The following ARHGAP42 variants were observed in gnomAD, a reference collection of about 807,000 sequenced individuals.
The protein encoded by ARHGAP42 is Rho GTPase activating protein 42, also known as rho GTPase-activating protein 42.
A neutral mutation model predicts 125.0 loss-of-function variants in ARHGAP42; 63 were observed. The observed-to-expected ratio is 0.50, with a 90% CI of 0.41 to 0.62. ARHGAP42 has a LOEUF of 0.62. Ranked by LOEUF, ARHGAP42 falls within the 20% of genes least tolerant of loss-of-function variation. The pLI, the probability that ARHGAP42 is intolerant of heterozygous loss-of-function variation, is 0.00. For synonymous variants in ARHGAP42, 339 were observed against 351.0 expected (o/e 0.97, Z 0.38); for missense variants, 766 against 1,024.2 (o/e 0.75, Z 3.44).
At chr11:100,745,183 G>GT (rs1374545509) in intron 1 of ARHGAP42, among the ~76,000 whole-genome samples, 1 of 152,218 alleles carries the variant, frequency 6.6e-6, no homozygotes, top group Non-Finnish European at 1.5e-5. Flanking sequence ...AGGAAGTTAA[G>GT]TTTAAAAGTA....
intron 1 of ARHGAP42, among the ~76,000 whole-genome samples, chr11:100,691,642 A>G (rs1861193279): frequency 6.6e-6 from 1 of 152,064 alleles, no homozygotes; most frequent in Non-Finnish European, 1.5e-5. Context: ...CAGCCTCCCC[A>G]GTAGCTGGGA....
chr11:100,941,949 C>T lies in ARHGAP42; in HGVS notation c.933+65C>T, dbSNP rs527839118. The T allele has an allele frequency of 2.4e-4, 282 of 1,167,370 alleles. No individual in the cohort carries two copies. The African/African-American group carries it at 3.9e-3, about 16-fold the overall frequency. 72.3% of individuals were successfully genotyped at this position (1,167,370 alleles called of 1,614,324 possible). On this transcript the variant is annotated intron_variant, in intron 9 of 23. Transcript: ENST00000298815. The stretch of plus-strand genomic sequence containing the variant: ...CATTATTTAAGTAATGGAATTAAAA[C>T]AAAAAAATCACATTTGTTTCTCTAG...
intron 1 of ARHGAP42, among the ~76,000 whole-genome samples, chr11:100,753,432 A>G (rs1359856402): frequency 2.6e-5 from 4 of 152,154 alleles, no homozygotes; most frequent in Non-Finnish European, 5.9e-5. Flanking sequence ...GCCACTCCTC[A>G]TCTGCCCACA....
At chr11:100,945,660 A>T (rs923016078) in intron 10 of ARHGAP42, among the ~76,000 whole-genome samples, 2 of 152,134 alleles carry the variant, frequency 1.3e-5, no homozygotes, top group African/African-American at 4.8e-5. Flanking sequence ...GTCAATGGGC[A>T]GTAATATTTA....
chr11:100,822,634 C>G (rs1864429622), intron 3 of ARHGAP42, among the ~76,000 whole-genome samples: 1 of 152,150 alleles, frequency 6.6e-6, no homozygotes, highest in Non-Finnish European at 1.5e-5. Flanking sequence ...ATCTGAAAGA[C>G]TTCCAGATGC....
chr11:100,697,333 G>T (rs556295717), intron 1 of ARHGAP42, among the ~76,000 whole-genome samples: 2 of 152,066 alleles, frequency 1.3e-5, no homozygotes, highest in South Asian at 4.1e-4. Context: ...CGGGCGCCCG[G>T]CACCACGCCC....
At chr11:100,740,936 T>A (rs1417983326) in intron 1 of ARHGAP42, among the ~76,000 whole-genome samples, 2 of 152,168 alleles carry the variant, frequency 1.3e-5, no homozygotes, top group African/African-American at 4.8e-5. Flanking sequence ...CTTATTCTAG[T>A]CCCATGGGCT....
chr11:100,712,138 T>G (rs907145658), intron 1 of ARHGAP42, among the ~76,000 whole-genome samples: 2 of 152,212 alleles, frequency 1.3e-5, no homozygotes, highest in African/African-American at 4.8e-5. Context: ...CTTGAGTTTT[T>G]TCGGGAACAC....
chr11:100,982,868 A>T (rs1858579374), intron 22 of ARHGAP42, among the ~76,000 whole-genome samples: 1 of 152,222 alleles, frequency 6.6e-6, no homozygotes, highest in Non-Finnish European at 1.5e-5. Flanking sequence ...AAAGGCTATA[A>T]ATCACTGGTT....
intron 22 of ARHGAP42, 110 bp from the exon 23 acceptor site, chr11:100,987,403 T>A: frequency 1.1e-6 from 1 of 876,712 alleles, no homozygotes; most frequent in Non-Finnish European, 1.8e-6. Context: ...TTTATGTACA[T>A]TATGTTCCAA....
At chr11:100,963,713 A>C (rs1361770854) in intron 16 of ARHGAP42, among the ~76,000 whole-genome samples, 1 of 152,200 alleles carries the variant, frequency 6.6e-6, no homozygotes, top group Non-Finnish European at 1.5e-5. Flanking sequence ...GACCAGAAAA[A>C]ATATATAATC....
At chr11:100,762,120 A>T (rs983302003) in intron 1 of ARHGAP42, among the ~76,000 whole-genome samples, 1 of 152,226 alleles carries the variant, frequency 6.6e-6, no homozygotes, top group South Asian at 2.1e-4. Flanking sequence ...TCGAAAACAG[A>T]TGCTTAACTT....
chr11:100,947,818 A>G (rs1268306133), intron 10 of ARHGAP42, among the ~76,000 whole-genome samples: 1 of 151,916 alleles, frequency 6.6e-6, no homozygotes, highest in Non-Finnish European at 1.5e-5. Context: ...TGTTTCTAAT[A>G]TTTTATATCT....
chr11:100,914,344 T>G (rs1336165482), intron 5 of ARHGAP42, among the ~76,000 whole-genome samples: 2 of 152,196 alleles, frequency 1.3e-5, no homozygotes, highest in Admixed American at 6.5e-5. Context: ...TCCATCTGTC[T>G]GAAATATATT....
intron 4 of ARHGAP42, among the ~76,000 whole-genome samples, chr11:100,870,737 AC>A (rs1405983102): frequency 2.6e-5 from 4 of 152,362 alleles, no homozygotes; most frequent in African/African-American, 9.6e-5. Context: ...GTTCAAAGTT[AC>A]AGATACAAAC....
At chr11:100,774,916 T>G (rs1303553416) in intron 2 of ARHGAP42, among the ~76,000 whole-genome samples, 1 of 152,184 alleles carries the variant, frequency 6.6e-6, no homozygotes, top group Admixed American at 6.5e-5. Flanking sequence ...ACTGCTGGCT[T>G]GGAAGGAGGC....
rs116590946 is a variant in ARHGAP42 at position 100,907,408 on chromosome 11, G to A, written c.385-6044G>A. Among the ~76,000 whole-genome samples, 594 of 152,266 alleles carry A rather than the reference G, an allele frequency of 3.9e-3. 3 individuals are homozygous for A. Among genetic ancestry groups the A allele is most frequent in the African/African-American group, 0.014 (568 of 41,550 alleles). On this transcript the variant is annotated intron_variant, in intron 4 of 23. Coordinates refer to ENST00000298815, the MANE Select transcript of ARHGAP42 (RefSeq NM_152432.4). Reference sequence around the variant, plus strand: ...CCTGTGAGTTTGATTACCTGGTGGTGGTGGCAATGATGTAATTGGGAAAGC... The same window carrying A: ...CCTGTGAGTTTGATTACCTGGTGGTAGTGGCAATGATGTAATTGGGAAAGC...
intron 1 of ARHGAP42, among the ~76,000 whole-genome samples, chr11:100,745,620 T>A (rs1435859251): frequency 6.6e-6 from 1 of 152,186 alleles, no homozygotes; most frequent in Non-Finnish European, 1.5e-5. Flanking sequence ...GACCTTGAAA[T>A]GCCTTTGTTA....
At chr11:100,796,830 C>T (rs1329555899) in intron 3 of ARHGAP42, among the ~76,000 whole-genome samples, 1 of 144,164 alleles carries the variant, frequency 6.9e-6, no homozygotes, top group East Asian at 2.0e-4. Flanking sequence ...AGTGCAGTGG[C>T]GCGATCTTTG....
Sources: gnomAD v4.1 joint callset for allele counts (sites outside exome capture counted in the v4.1 genomes callset) on GRCh38, gnomAD v4.1.1 for gene constraint, MANE v1.5 for transcripts, NCBI Gene and HGNC (gene_info 2026-07-23, HGNC 2026-07-21) for gene names.